The following PTPRD variants were observed in gnomAD, a reference collection of about 807,000 sequenced individuals.
PTPRD encodes receptor-type tyrosine-protein phosphatase delta.
In PTPRD, 34 loss-of-function variants were observed where a neutral mutation model predicts 214.5. That is an observed-to-expected ratio of 0.16 (90% CI 0.12 to 0.21). PTPRD has a LOEUF of 0.21. Among genes scored for constraint, PTPRD ranks in the 10% least tolerant of loss-of-function variants. The pLI is 1.00. For synonymous variants in PTPRD, 1,128 were observed against 845.7 expected, an observed-to-expected ratio of 1.33 and a Z score of -5.79; for missense variants, 2,545 against 2,398.7, an observed-to-expected ratio of 1.06 and a Z score of -1.27.
intron 3 of PTPRD, among the ~76,000 whole-genome samples, chr9:10,111,517 C>T (rs1312733341): frequency 1.3e-5 from 2 of 152,054 alleles, no homozygotes; most frequent in East Asian, 1.9e-4. Flanking sequence ...GGATTACAGG[C>T]GTGAGCCACC....
At chr9:9,308,879 C>T (rs1957979570) in intron 9 of PTPRD, among the ~76,000 whole-genome samples, 1 of 151,946 alleles carries the variant, frequency 6.6e-6, no homozygotes, top group Admixed American at 6.6e-5. Context: ...ATTAGAGACC[C>T]AAAATATCAT....
At chr9:8,640,307 C>G (rs1408239923) in intron 12 of PTPRD, among the ~76,000 whole-genome samples, 2 of 152,008 alleles carry the variant, frequency 1.3e-5, no homozygotes, top group Non-Finnish European at 1.5e-5. Context: ...CGAGATCACG[C>G]CACTGCACTA....
At chr9:8,446,462 T>C (rs1307927989) in intron 34 of PTPRD, among the ~76,000 whole-genome samples, 1 of 152,194 alleles carries the variant, frequency 6.6e-6, no homozygotes, top group Non-Finnish European at 1.5e-5. Context: ...CAAATCGTAA[T>C]GTTTGTTTGC....
At chr9:8,797,528 C>G (rs377284379) in intron 11 of PTPRD, among the ~76,000 whole-genome samples, 1 of 152,140 alleles carries the variant, frequency 6.6e-6, no homozygotes, top group Non-Finnish European at 1.5e-5. Context: ...CTATGAAGAT[C>G]GCCTTGCCCT....
intron 7 of PTPRD, among the ~76,000 whole-genome samples, chr9:9,688,837 T>TA (rs200992825): frequency 2.4e-4 from 36 of 151,552 alleles, no homozygotes; most frequent in African/African-American, 7.5e-4. Flanking sequence ...CCCAGGCATT[T>TA]AAAAAAAACA....
chr9:9,030,003 T>A (rs2099599441), intron 10 of PTPRD, among the ~76,000 whole-genome samples: 1 of 151,878 alleles, frequency 6.6e-6, no homozygotes, highest in African/African-American at 2.4e-5. Context: ...TACTGACATT[T>A]GATGGTTGAA....
At chr9:9,938,382 T>C (rs1183069089) in intron 5 of PTPRD, 125 bp downstream of exon 5, 3 of 152,228 alleles carry the variant, frequency 2.0e-5, no homozygotes, top group African/African-American at 7.2e-5. Context: ...AGAAATGCAG[T>C]GTTTTCGTAT....
chr9:9,482,163 G>C (rs186224808), intron 8 of PTPRD, among the ~76,000 whole-genome samples: 233 of 152,042 alleles, frequency 1.5e-3, no homozygotes, highest in African/African-American at 5.4e-3. Flanking sequence ...ATCTTTTGGG[G>C]AGAGGTGGGG....
At chr9:10,381,851 A>C (rs1211641836) in intron 2 of PTPRD, among the ~76,000 whole-genome samples, 1 of 151,966 alleles carries the variant, frequency 6.6e-6, no homozygotes, top group Non-Finnish European at 1.5e-5. Context: ...ATTGGAGGAT[A>C]ACTTAATCTC....
At chr9:8,454,771 G>A (rs1049718851) in intron 33 of PTPRD, among the ~76,000 whole-genome samples, 1 of 151,846 alleles carries the variant, frequency 6.6e-6, no homozygotes, top group African/African-American at 2.4e-5. Context: ...CTCTGATTAT[G>A]AACTAAACAG....
At chr9:10,197,776 T>C (rs2099403762) in intron 3 of PTPRD, among the ~76,000 whole-genome samples, 1 of 152,090 alleles carries the variant, frequency 6.6e-6, no homozygotes, top group African/African-American at 2.4e-5. Flanking sequence ...AGAGTCCTGG[T>C]AGGCCATGGG....
At chr9:10,165,803 C>T (rs1011101939) in intron 3 of PTPRD, among the ~76,000 whole-genome samples, 1 of 150,718 alleles carries the variant, frequency 6.6e-6, no homozygotes. Context: ...AATAATTACA[C>T]CCATCTGAAT....
chr9:10,014,999 T>A (rs2096673567), intron 4 of PTPRD, among the ~76,000 whole-genome samples: 1 of 152,128 alleles, frequency 6.6e-6, no homozygotes, highest in African/African-American at 2.4e-5. Flanking sequence ...AATAGCCACA[T>A]GGCATCCACT....
intron 11 of PTPRD, among the ~76,000 whole-genome samples, chr9:8,993,684 C>G (rs1439626648): frequency 3.9e-5 from 6 of 152,070 alleles, no homozygotes; most frequent in Non-Finnish European, 7.4e-5. Context: ...GAGTTCAGTT[C>G]TGTTCAACAC....
At chr9:10,130,325 AT>A (rs906562223) in intron 3 of PTPRD, among the ~76,000 whole-genome samples, 6 of 151,874 alleles carry the variant, frequency 4.0e-5, no homozygotes, top group Non-Finnish European at 8.8e-5. Context: ...ATAACATACC[AT>A]TTTTTTCTGT....
chr9:10,373,144 TA>T (rs5896388), intron 2 of PTPRD, among the ~76,000 whole-genome samples: 5,338 of 137,832 alleles, frequency 0.039, 107 homozygotes, highest in South Asian at 0.099. Flanking sequence ...TCTTTATACT[TA>T]AAAAAAAAAA....
intron 26 of PTPRD, among the ~76,000 whole-genome samples, chr9:8,496,199 CACACACACACAA>C (rs1314662896): frequency 2.0e-5 from 3 of 146,688 alleles, no homozygotes; most frequent in South Asian, 2.2e-4. Flanking sequence ...CACACACACA[CACACACACACAA>C]ACACACACAC....
At chr9:9,825,729 T>C (rs962892731) in intron 5 of PTPRD, among the ~76,000 whole-genome samples, 1 of 151,938 alleles carries the variant, frequency 6.6e-6, no homozygotes, top group African/African-American at 2.4e-5. Flanking sequence ...TTTTTCTGAA[T>C]ATAACCTTTT....
Position 8,400,499 on chromosome 9 carries a change from G to T in PTPRD, c.4210+4038C>A, listed in dbSNP as rs1301524654. On this transcript the variant is annotated intron_variant, in intron 36 of 45. Coordinates refer to ENST00000381196, the MANE Select transcript of PTPRD (RefSeq NM_002839.4). ...GGAAATGAGATAGGAAATAGGAAATGAAGTTCTAAAACCTAATATTTATGT... is the reference window on the plus strand; with the variant it reads ...GGAAATGAGATAGGAAATAGGAAATTAAGTTCTAAAACCTAATATTTATGT... Among the ~76,000 whole-genome samples, 3 of 152,174 alleles carry T rather than the reference G, an allele frequency of 2.0e-5. No homozygotes were observed. The East Asian group carries it at 5.8e-4, about 29-fold the overall frequency.
Sources: allele counts gnomAD v4.1 joint callset (sites outside exome capture counted in the v4.1 genomes callset), GRCh38; gene constraint gnomAD v4.1.1; transcripts MANE v1.5; gene names NCBI Gene and HGNC (gene_info 2026-07-23, HGNC 2026-07-21).